SNED1: variants seen among roughly 807,000 people sequenced by gnomAD.
SNED1 encodes the protein sushi, nidogen and EGF like domains 1, also known as sushi, nidogen and EGF-like domain-containing protein 1.
A neutral mutation model predicts 166.7 loss-of-function variants in SNED1; 81 were observed. The ratio of observed to expected loss-of-function variants is 0.49; its 90% CI spans 0.41 to 0.58. The LOEUF is 0.58. SNED1 is among the 20% of genes least tolerant of loss of function. The pLI, the probability that SNED1 is intolerant of heterozygous loss-of-function variation, is 0.00. For synonymous variants in SNED1, 762 were observed against 822.0 expected (o/e 0.93, Z 1.25); for missense variants, 1,604 against 2,000.2 (o/e 0.80, Z 3.78).
intron 16 of SNED1, 139 bp from the exon 17 acceptor site, chr2:241,062,652 C>A (rs1467213836): frequency 7.1e-6 from 5 of 705,658 alleles, no homozygotes; most frequent in African/African-American, 7.0e-5. Flanking sequence ...CCAAGGATAT[C>A]CAGCCCTGGT....
At chr2:241,085,085 G>T (rs1390281192) in intron 29 of SNED1, among the ~76,000 whole-genome samples, 2 of 151,988 alleles carry the variant, frequency 1.3e-5, no homozygotes, top group Non-Finnish European at 2.9e-5. Flanking sequence ...TAATTATGAT[G>T]TGCTTCTCGG....
chr2:241,007,969 C>G (rs1260982551), intron 1 of SNED1, among the ~76,000 whole-genome samples: 1 of 152,246 alleles, frequency 6.6e-6, no homozygotes, highest in African/African-American at 2.4e-5. Flanking sequence ...GGATCCAAGG[C>G]AGGGAGCTTT....
chr2:241,089,350 A>G (rs1296983632), intron 31 of SNED1: 2 of 1,550,582 alleles, frequency 1.3e-6, no homozygotes, highest in African/African-American at 1.4e-5. Context: ...AAACAGGTCT[A>G]TGTTTTGTTA....
At chr2:241,036,497 G>T (rs539943164) in intron 4 of SNED1, among the ~76,000 whole-genome samples, 1 of 152,072 alleles carries the variant, frequency 6.6e-6, no homozygotes, top group Non-Finnish European at 1.5e-5. Flanking sequence ...CCTGTCCACG[G>T]CAGCGCTGAG....
intron 1 of SNED1, among the ~76,000 whole-genome samples, chr2:241,020,790 C>T (rs552781722): frequency 1.3e-5 from 2 of 152,164 alleles, no homozygotes; most frequent in African/African-American, 4.8e-5. Flanking sequence ...GGCCTCTCGA[C>T]TCCAGCAGGC....
chr2:241,085,522 A>G (rs1246471911), intron 29 of SNED1, among the ~76,000 whole-genome samples: 2 of 152,190 alleles, frequency 1.3e-5, no homozygotes, highest in African/African-American at 4.8e-5. Flanking sequence ...TATAATAGAT[A>G]TTTTAAGGTC....
chr2:241,061,405 G>A (rs530958830), intron 16 of SNED1, among the ~76,000 whole-genome samples: 1 of 152,278 alleles, frequency 6.6e-6, no homozygotes, highest in Admixed American at 6.5e-5. Context: ...TGCATTGCTG[G>A]CAAGAGTATA....
rs1425292911 is a variant in SNED1, at chr2:241,052,166, G to A, written c.1969+9G>A. On this transcript the variant is annotated intron_variant, in intron 14 of 31. Transcript: ENST00000310397. ...GCGGCACTGCGAGATAGGTAAGGTG[G>A]GTGGGAGGCCAGGCCAGGGCGGCCA... 6.8e-6 allele frequency: 11 copies of A among 1,609,398 alleles called. No individual in the cohort carries two copies. The highest frequency in any genetic ancestry group is 8.5e-6 in the Non-Finnish European group (10 of 1,175,928).
chr2:241,047,885 T>G (rs1190649276), intron 8 of SNED1, among the ~76,000 whole-genome samples: 1 of 152,018 alleles, frequency 6.6e-6, no homozygotes, highest in Non-Finnish European at 1.5e-5. Flanking sequence ...TCTTGTTCTG[T>G]CCAATCCTGG....
intron 4 of SNED1, 100 bp from the exon 5 acceptor site, chr2:241,036,690 C>G: frequency 6.5e-7 from 1 of 1,528,428 alleles, no homozygotes; most frequent in Non-Finnish European, 8.8e-7. Context: ...AGAGGCCGAC[C>G]TTTTGGGTCA....
intron 12 of SNED1, among the ~76,000 whole-genome samples, chr2:241,050,278 A>G (rs1159117510): frequency 6.6e-6 from 1 of 152,222 alleles, no homozygotes; most frequent in African/African-American, 2.4e-5. Flanking sequence ...CAGCATGGAA[A>G]ATGTCGAATT....
In SNED1 at chr2:241,073,690, C is replaced by T; in HGVS notation, c.3916+326C>T. 1 of 470,474 alleles carries T rather than the reference C, an allele frequency of 2.1e-6. No individual in the cohort carries two copies. Among genetic ancestry groups the T allele is most frequent in the Non-Finnish European group, 3.8e-6 (1 of 265,802 alleles). 29.1% of individuals were successfully genotyped at this position (470,474 alleles called of 1,614,324 possible). ...CATGCAGCAGAGCCCACCCCAGCCC[C>T]TGCCTCTGGGCCCCTCACCCCTCAC... On this transcript the variant is annotated intron_variant, in intron 27 of 31. Coordinates refer to ENST00000310397, the MANE Select transcript of SNED1 (RefSeq NM_001080437.3). The surrounding 1 kb of genome is among the most constrained non-coding windows in gnomAD (Gnocchi z 6.6).
Position 241,075,536 on chromosome 2 carries a change from T to C in SNED1, c.3916+2172T>C, listed in dbSNP as rs1015938107. On this transcript the variant is annotated intron_variant, in intron 27 of 31. Transcript: ENST00000310397. The surrounding 1 kb of genome is among the most constrained non-coding windows in gnomAD (Gnocchi z 4.8). The stretch of plus-strand genomic sequence containing the variant: ...TCTGTGAAATGCCTGATCACGCCTT[T>C]TGACTTTATGTTGGGTTATTTGTAC... 1 of 152,226 alleles carries C rather than the reference T, an allele frequency of 6.6e-6. No homozygotes were observed. The highest frequency in any genetic ancestry group is 2.4e-5 in the African/African-American group (1 of 41,444). 9.4% of individuals were successfully genotyped at this position (152,226 alleles called of 1,614,324 possible).
chr2:241,016,874 G>A (rs1363600517), intron 1 of SNED1, among the ~76,000 whole-genome samples: 1 of 137,614 alleles, frequency 7.3e-6, no homozygotes, highest in African/African-American at 2.7e-5. Flanking sequence ...TTTTTGAGAC[G>A]GAGGTTTTGC....
chr2:241,008,063 C>T (rs918744755), intron 1 of SNED1, among the ~76,000 whole-genome samples: 1 of 152,278 alleles, frequency 6.6e-6, no homozygotes, highest in African/African-American at 2.4e-5. Flanking sequence ...GCCGTACCAC[C>T]TGACTCACTG....
chr2:241,047,837 T>G (rs912205278), intron 8 of SNED1, among the ~76,000 whole-genome samples: 2 of 152,072 alleles, frequency 1.3e-5, no homozygotes, highest in African/African-American at 2.4e-5. Flanking sequence ...CTCTGGTGCT[T>G]CTTGTTCTGT....
In SNED1 at chr2:241,069,888, C is replaced by T; in HGVS notation, c.3308-32C>T. The T allele has an allele frequency of 6.2e-7, 1 of 1,601,280 alleles. No homozygotes were observed. Among genetic ancestry groups the T allele is most frequent in the East Asian group, 2.2e-5 (1 of 44,708 alleles). On this transcript the variant is annotated intron_variant, in intron 23 of 31. Transcript: ENST00000310397. The surrounding 1 kb of genome is among the most constrained non-coding windows in gnomAD (Gnocchi z 4.9). ...CTTGCCAGAAGACCCTGTGGGCACC[C>T]CCTCACCTCTCCCTGCTCCTGCCTC...
chr2:241,081,575 G>A, intron 27 of SNED1, 102 bp from the exon 28 acceptor site: 2 of 846,904 alleles, frequency 2.4e-6, no homozygotes, highest in Admixed American at 2.1e-5. Flanking sequence ...GGAGTGCACG[G>A]CCACCCTGCA....
chr2:241,038,049 C>T (rs1243620700), intron 6 of SNED1, among the ~76,000 whole-genome samples: 1 of 150,806 alleles, frequency 6.6e-6, no homozygotes, highest in Non-Finnish European at 1.5e-5. Flanking sequence ...GCCCTTCACC[C>T]ACCTGGTAAA....
Sources: allele counts gnomAD v4.1 joint callset (sites outside exome capture counted in the v4.1 genomes callset), GRCh38; gene constraint gnomAD v4.1.1; non-coding constraint Gnocchi (gnomAD v3.1); transcripts MANE v1.5; gene names NCBI Gene and HGNC (gene_info 2026-07-23, HGNC 2026-07-21).